Variants in CCNY observed in about 807,000 individuals in gnomAD.
The protein encoded by CCNY is cyclin-Y.
A neutral mutation model predicts 42.8 loss-of-function variants in CCNY; 19 were observed. That is an observed-to-expected ratio of 0.44 (90% CI 0.31 to 0.65). The LOEUF is 0.65. Among genes scored for constraint, CCNY ranks in the 30% least tolerant of loss-of-function variants. The pLI is 0.07. For missense variants in CCNY, 370 were observed against 437.3 expected, an observed-to-expected ratio of 0.85 and a Z score of 1.37; for synonymous variants, 165 against 162.7, an observed-to-expected ratio of 1.01 and a Z score of -0.11.
intron 1 of CCNY, among the ~76,000 whole-genome samples, chr10:35,375,247 T>A (rs1253644419): frequency 5.9e-5 from 9 of 152,190 alleles, no homozygotes; most frequent in Admixed American, 5.9e-4. Context: ...TGTTTCCTGT[T>A]GTGGGCTCTA....
At chr10:35,253,414 ATTT>A (rs61405875) in intron 3 of CCNY, among the ~76,000 whole-genome samples, 8 of 89,028 alleles carry the variant, frequency 9.0e-5, no homozygotes, top group African/African-American at 2.4e-4. Context: ...CATGCTCACT[ATTT>A]TTTTTTTTTT....
intron 3 of CCNY, chr10:35,327,637 T>G (rs773111420): frequency 6.6e-6 from 1 of 152,254 alleles, no homozygotes; most frequent in Non-Finnish European, 1.5e-5. Context: ...TTTTAGGGTA[T>G]GGAAGATAGT....
At chr10:35,537,477 A>G (rs1265674984) in intron 7 of CCNY, among the ~76,000 whole-genome samples, 1 of 152,110 alleles carries the variant, frequency 6.6e-6, no homozygotes, top group Non-Finnish European at 1.5e-5. Context: ...AATTGCAGAC[A>G]CTCAATGCCA....
chr10:35,430,882 C>T (rs571584630), intron 1 of CCNY, among the ~76,000 whole-genome samples: 13 of 152,098 alleles, frequency 8.5e-5, no homozygotes, highest in East Asian at 5.8e-4. Flanking sequence ...AGGCCGATCA[C>T]GATCCGCGGG....
In CCNY at chr10:35,570,708, TTAATTAGTCTTGAATCA is replaced by T. The variant is rs1241823386; in HGVS notation, c.*1541_*1557del. The T allele has an allele frequency of 1.3e-5, 2 of 152,372 alleles. No homozygotes were observed. The highest frequency in any genetic ancestry group is 2.9e-5 in the Non-Finnish European group (2 of 68,030). 9.4% of individuals were successfully genotyped at this position (152,372 alleles called of 1,614,324 possible). ...TGTGAGCTTGGAAAACTTTGGCATC[TTAATTAGTCTTGAATCA>T]TACACCTGATCCCCAAACATTGCCT... is the stretch of plus-strand genomic sequence containing the variant. On this transcript the variant is annotated 3_prime_UTR_variant, in exon 10 of 10. Coordinates refer to ENST00000374704, the MANE Select transcript of CCNY (RefSeq NM_145012.6).
chr10:35,405,101 G>A (rs192513566), intron 1 of CCNY, among the ~76,000 whole-genome samples: 29 of 152,300 alleles, frequency 1.9e-4, no homozygotes, highest in African/African-American at 6.7e-4. Flanking sequence ...TAGTTGATAA[G>A]GTGCAGATCC....
At chr10:35,379,899 A>C (rs1837140244) in intron 1 of CCNY, among the ~76,000 whole-genome samples, 1 of 152,138 alleles carries the variant, frequency 6.6e-6, no homozygotes, top group African/African-American at 2.4e-5. Context: ...TTTACCACAC[A>C]AGGAGGAGAA....
At position 35,254,050 on chromosome 10, in the gene CCNY, G is replaced by A. The variant is rs190992314; in HGVS notation, c.-9+3424G>A. Among the ~76,000 whole-genome samples the A allele has an allele frequency of 7.2e-3, 1,086 of 150,402 alleles. 16 individuals are homozygous for A. The highest frequency in any genetic ancestry group is 0.026 in the African/African-American group (1,046 of 40,756). ...GCCACCATGCCCAGCTAATTTTTTTGTATTTTTTAGTAGAGATGGGGTTTC... is the reference window on the plus strand; with the variant it reads ...GCCACCATGCCCAGCTAATTTTTTTATATTTTTTAGTAGAGATGGGGTTTC... On this transcript the variant is annotated intron_variant, in intron 3 of 11. Transcript: ENST00000374706.
chr10:35,481,295 C>T (rs1839663807), intron 1 of CCNY, among the ~76,000 whole-genome samples: 1 of 152,168 alleles, frequency 6.6e-6, no homozygotes, highest in Non-Finnish European at 1.5e-5. Flanking sequence ...CCATTATTAA[C>T]AACTTTGAGG....
chr10:35,283,406 T>C (rs551353895), intron 3 of CCNY, among the ~76,000 whole-genome samples: 28 of 151,968 alleles, frequency 1.8e-4, no homozygotes, highest in African/African-American at 6.5e-4. Flanking sequence ...AAGGACAGTT[T>C]TTTTTTTTTT....
chr10:35,389,126 G>T (rs1431070280), intron 1 of CCNY, among the ~76,000 whole-genome samples: 2 of 152,098 alleles, frequency 1.3e-5, no homozygotes, highest in Non-Finnish European at 2.9e-5. Flanking sequence ...ACATCTTTGG[G>T]GACGTTATTC....
intron 1 of CCNY, among the ~76,000 whole-genome samples, chr10:35,472,934 A>G (rs1388865479): frequency 6.6e-6 from 1 of 152,228 alleles, no homozygotes; most frequent in Admixed American, 6.5e-5. Context: ...AATACCTAGC[A>G]TATAGTGGAG....
At chr10:35,451,802 C>G (rs1589130363) in intron 1 of CCNY, among the ~76,000 whole-genome samples, 1 of 152,128 alleles carries the variant, frequency 6.6e-6, no homozygotes, top group East Asian at 1.9e-4. Flanking sequence ...TCATTACCAC[C>G]TCACCTCCAC....
intron 1 of CCNY, among the ~76,000 whole-genome samples, chr10:35,452,978 A>T (rs1838952063): frequency 6.6e-6 from 1 of 152,132 alleles, no homozygotes; most frequent in East Asian, 1.9e-4. Context: ...TTTAAAAAAA[A>T]TATTATTTAT....
At chr10:35,288,358 G>A (rs1347749348) in intron 3 of CCNY, among the ~76,000 whole-genome samples, 2 of 151,974 alleles carry the variant, frequency 1.3e-5, no homozygotes, top group Non-Finnish European at 2.9e-5. Flanking sequence ...TTGGGTAATT[G>A]TGTTATTTGT....
chr10:35,338,607 T>C (rs114107951), intron 1 of CCNY, among the ~76,000 whole-genome samples: 3,340 of 152,284 alleles, frequency 0.022, 118 homozygotes, highest in African/African-American at 0.076. Flanking sequence ...GTCTAGCATA[T>C]AATAAACAGT....
At chr10:35,349,436 TG>T (rs1415969714) in intron 1 of CCNY, among the ~76,000 whole-genome samples, 1 of 152,226 alleles carries the variant, frequency 6.6e-6, no homozygotes, top group Non-Finnish European at 1.5e-5. Flanking sequence ...GGCTTTAACA[TG>T]GTTTGAAACA....
At chr10:35,450,396 G>T (rs978499271) in intron 1 of CCNY, among the ~76,000 whole-genome samples, 3 of 152,194 alleles carry the variant, frequency 2.0e-5, no homozygotes, top group Non-Finnish European at 4.4e-5. Flanking sequence ...GTAGGACATT[G>T]TGCTGGGGAT....
At chr10:35,566,367 C>G in intron 9 of CCNY, 182 bp downstream of exon 9, 1 of 668,424 alleles carries the variant, frequency 1.5e-6, no homozygotes, top group South Asian at 2.1e-5. Flanking sequence ...TTCTTTGAGA[C>G]GGAGTCTCGC....
Sources: gnomAD v4.1 joint callset for allele counts (sites outside exome capture counted in the v4.1 genomes callset) on GRCh38, gnomAD v4.1.1 for gene constraint, MANE v1.5 for transcripts, NCBI Gene and HGNC (gene_info 2026-07-23, HGNC 2026-07-21) for gene names.